KDM4B: variants seen among roughly 807,000 people sequenced by gnomAD.
The protein encoded by KDM4B is lysine demethylase 4B, also known as lysine-specific demethylase 4B.
In KDM4B, 32 loss-of-function variants were observed where a neutral mutation model predicts 125.2. That is an observed-to-expected ratio of 0.26 (90% CI 0.19 to 0.34). The LOEUF (loss-of-function observed/expected upper bound fraction) is 0.34, where lower values mean the gene tolerates loss of function less well. Among genes scored for constraint, KDM4B ranks in the 10% least tolerant of loss-of-function variants. The pLI is 1.00. For synonymous variants in KDM4B, 721 were observed against 677.9 expected, an observed-to-expected ratio of 1.06 and a Z score of -0.99; for missense variants, 1,190 against 1,577.7, an observed-to-expected ratio of 0.75 and a Z score of 4.16.
Position 5,106,851 on chromosome 19 carries a change from G to C in KDM4B, c.919-3771G>C, listed in dbSNP as rs940314739. ...GTTCCAGCCCAGCCCAGAGCAGTGA[G>C]ACCAGGATCTTAGGACTGGGGAGAA... On this transcript the variant is annotated intron_variant, in intron 9 of 22. Transcript: ENST00000159111. Among the ~76,000 whole-genome samples, 14 of 152,226 alleles carry C rather than the reference G, an allele frequency of 9.2e-5. 1 individual carries two copies. Among genetic ancestry groups the C allele is most frequent in the African/African-American group, 3.4e-4 (14 of 41,462 alleles).
At chr19:5,004,657 G>A (rs150038992) in intron 1 of KDM4B, among the ~76,000 whole-genome samples, 37 of 152,284 alleles carry the variant, frequency 2.4e-4, no homozygotes, top group African/African-American at 7.9e-4. Context: ...GATGCACCAC[G>A]GCTCTGTGCT....
intron 6 of KDM4B, among the ~76,000 whole-genome samples, chr19:5,068,070 C>CA (rs1383831110): frequency 2.0e-5 from 3 of 151,826 alleles, no homozygotes; most frequent in Non-Finnish European, 4.4e-5. Context: ...CAAACATTTC[C>CA]AAACCAAATA....
At chr19:5,070,864 A>C in intron 6 of KDM4B, 146 bp from the exon 7 acceptor site, 5 of 657,606 alleles carry the variant, frequency 7.6e-6, no homozygotes, top group Non-Finnish European at 9.9e-6. Flanking sequence ...ACCCCCGGCC[A>C]TCCCCTCCAC....
intron 6 of KDM4B, among the ~76,000 whole-genome samples, chr19:5,062,179 T>A (rs769436900): frequency 2.0e-5 from 3 of 152,208 alleles, no homozygotes; most frequent in African/African-American, 4.8e-5. Context: ...CTCCTCTCCC[T>A]CTCTCTCAGC....
In KDM4B at chr19:5,084,625, A is replaced by G. The variant is rs905473581; in HGVS notation, c.918+2121A>G. Among the ~76,000 whole-genome samples, 33 of 144,490 alleles carry G rather than the reference A, an allele frequency of 2.3e-4. 1 individual carries two copies. In the Admixed American group the frequency reaches 2.3e-3, roughly 10 times the overall value. The allele number at this position is 144,490 out of a possible 152,430, so 94.8% of individuals were successfully genotyped here. A position where few individuals can be genotyped will look rare whatever the true frequency, so the allele number is the denominator to read the frequency against. On this transcript the variant is annotated intron_variant, in intron 9 of 22. Coordinates refer to ENST00000159111, the MANE Select transcript of KDM4B (RefSeq NM_015015.3). ...AAATTATATATATAACATAATTTATATATATAAATTATATATGTATGTATA... is the reference window on the plus strand; with the variant it reads ...AAATTATATATATAACATAATTTATGTATATAAATTATATATGTATGTATA...
At chr19:5,011,887 C>T (rs1169089384) in intron 1 of KDM4B, among the ~76,000 whole-genome samples, 1 of 152,214 alleles carries the variant, frequency 6.6e-6, no homozygotes, top group Non-Finnish European at 1.5e-5. Context: ...CTGTCTCCTC[C>T]CTGATTCCCG....
chr19:5,143,596 C>T (rs896654653), intron 18 of KDM4B, among the ~76,000 whole-genome samples: 1 of 152,160 alleles, frequency 6.6e-6, no homozygotes, highest in African/African-American at 2.4e-5. Context: ...ATCTCTGTCG[C>T]CACGTGGTTC....
At chr19:5,106,402 C>T (rs1599197591) in intron 9 of KDM4B, among the ~76,000 whole-genome samples, 2 of 152,198 alleles carry the variant, frequency 1.3e-5, no homozygotes, top group African/African-American at 4.8e-5. Flanking sequence ...ATCCACGTTG[C>T]ACCCGTCATC....
intron 9 of KDM4B, among the ~76,000 whole-genome samples, chr19:5,105,153 A>G (rs1006762644): frequency 1.3e-5 from 2 of 152,336 alleles, no homozygotes; most frequent in Admixed American, 1.3e-4. Flanking sequence ...TGCAGAGGGC[A>G]CAGGACCCAG....
chr19:5,012,956 G>A (rs1274210932), intron 1 of KDM4B, among the ~76,000 whole-genome samples: 2 of 152,260 alleles, frequency 1.3e-5, no homozygotes, highest in Non-Finnish European at 2.9e-5. Flanking sequence ...AGGGGCAGTG[G>A]AGGCAGGCTA....
chr19:5,090,418 CCCT>C (rs1568291578), intron 9 of KDM4B, among the ~76,000 whole-genome samples: 29 of 84,604 alleles, frequency 3.4e-4, no homozygotes, highest in African/African-American at 1.2e-3. Flanking sequence ...CCCCCTCTCC[CCCT>C]CTGTCTCTCT....
chr19:5,119,336 G>A (rs565276426), intron 10 of KDM4B: 12 of 725,246 alleles, frequency 1.7e-5, no homozygotes, highest in Middle Eastern at 3.7e-4. Flanking sequence ...CTGCCGCCCC[G>A]TCCCGCCCGT....
At chr19:5,011,068 A>C (rs2035712886) in intron 1 of KDM4B, among the ~76,000 whole-genome samples, 1 of 152,130 alleles carries the variant, frequency 6.6e-6, no homozygotes, top group Admixed American at 6.6e-5. Flanking sequence ...CGTTTTGGCC[A>C]TCAGGAGCCC....
chr19:5,107,370 G>A (rs1438027011), intron 9 of KDM4B, among the ~76,000 whole-genome samples: 1 of 152,200 alleles, frequency 6.6e-6, no homozygotes, highest in African/African-American at 2.4e-5. Context: ...TGCTGACAGA[G>A]GACCACCAAG....
At chr19:4,982,673 C>T (rs891574207) in intron 1 of KDM4B, among the ~76,000 whole-genome samples, 33 of 151,396 alleles carry the variant, frequency 2.2e-4, no homozygotes, top group East Asian at 2.0e-4. Flanking sequence ...AGTGCAGTGG[C>T]GAGATCTCGG....
At chr19:5,106,797 C>T (rs948488473) in intron 9 of KDM4B, among the ~76,000 whole-genome samples, 2 of 152,164 alleles carry the variant, frequency 1.3e-5, no homozygotes, top group Admixed American at 6.5e-5. Context: ...CTCTGCGGGC[C>T]TTAGCCAGGA....
intron 5 of KDM4B, 88 bp downstream of exon 5, chr19:5,041,339 A>G (rs1316716354): frequency 4.0e-6 from 4 of 1,003,518 alleles, no homozygotes; most frequent in Non-Finnish European, 1.5e-6. Flanking sequence ...GCCTTGGCAG[A>G]TGAAGCTTCC....
At chr19:5,073,307 C>G (rs1430647042) in intron 7 of KDM4B, among the ~76,000 whole-genome samples, 1 of 152,254 alleles carries the variant, frequency 6.6e-6, no homozygotes, top group Non-Finnish European at 1.5e-5. Flanking sequence ...CCTCTGTCGT[C>G]CACACGGCAG....
chr19:5,137,192 CCT>C (rs1475921114), intron 15 of KDM4B, 68 bp from the exon 16 acceptor site: 5 of 1,160,696 alleles, frequency 4.3e-6, no homozygotes, highest in African/African-American at 1.5e-5. Flanking sequence ...GGCCCCTCCC[CCT>C]GAGTTTCACT....
Sources: allele counts gnomAD v4.1 joint callset (sites outside exome capture counted in the v4.1 genomes callset), GRCh38; gene constraint gnomAD v4.1.1; transcripts MANE v1.5; gene names NCBI Gene and HGNC (gene_info 2026-07-23, HGNC 2026-07-21).